FAAH2: variants seen among roughly 807,000 people sequenced by gnomAD.
FAAH2 encodes the protein fatty-acid amide hydrolase 2.
Under a neutral mutation model 36.9 loss-of-function variants are expected in FAAH2, and 60 were observed. The ratio of observed to expected loss-of-function variants is 1.63; its 90% CI spans 1.32 to 2.02. The LOEUF (loss-of-function observed/expected upper bound fraction) is 2.02, where lower values mean the gene tolerates loss of function less well. FAAH2 is among the 30% of genes most tolerant of loss of function. The probability of loss-of-function intolerance (pLI) is 0.00; values close to 1 mark genes in which losing one functional copy is unlikely to be tolerated. For synonymous variants in FAAH2, 214 were observed against 143.8 expected (o/e 1.49, Z -3.49); for missense variants, 689 against 397.5 (o/e 1.73, Z -6.23).
chrX:57,335,165 G>T (rs1171652139), intron 4 of FAAH2, among the ~76,000 whole-genome samples: 1 of 112,299 alleles, frequency 8.9e-6, no homozygotes, highest in African/African-American at 3.2e-5. Context: ...AGATTACAGT[G>T]AAGGGATGGG....
At chrX:57,330,089 C>T (rs2053356107) in intron 3 of FAAH2, among the ~76,000 whole-genome samples, 1 of 111,423 alleles carries the variant, frequency 9.0e-6, no homozygotes, top group Non-Finnish European at 1.9e-5. Flanking sequence ...AATCTGGGCA[C>T]CTTGAAAAAA....
chrX:57,463,782 G>A (rs2057001675), intron 10 of FAAH2, among the ~76,000 whole-genome samples: 1 of 111,745 alleles, frequency 8.9e-6, no homozygotes. Flanking sequence ...TGGAGAAATA[G>A]GAATGCTTTT....
At chrX:57,354,345 C>T (rs890771649) in intron 5 of FAAH2, among the ~76,000 whole-genome samples, 2 of 110,745 alleles carry the variant, frequency 1.8e-5, no homozygotes, top group African/African-American at 3.3e-5. Context: ...ATAAGTATTA[C>T]GTGTTCTCCC....
At chrX:57,211,658 G>A in the FAAH2 span, among the ~76,000 whole-genome samples, 2 of 111,954 alleles carry the variant, frequency 1.8e-5, no homozygotes, top group African/African-American at 3.3e-5. Context: ...TGACACAATT[G>A]CATAGTGCTT....
the FAAH2 span, among the ~76,000 whole-genome samples, chrX:57,236,898 C>A: frequency 1.2e-5 from 1 of 81,482 alleles, no homozygotes; most frequent in Non-Finnish European, 2.1e-5. Flanking sequence ...ATTGACTGTG[C>A]TTTTCATGTA....
Position 57,311,912 on chromosome X carries a change from T to A in FAAH2, c.412+1183T>A, listed in dbSNP as rs925255655. 8.0e-5 allele frequency among the ~76,000 whole-genome samples: 9 copies of A among 111,876 alleles called. 1 individual carries two copies. The highest frequency in any genetic ancestry group is 4.7e-4 in the Admixed American group (5 of 10,589). ...GCTACTTGAGAGTAAGGAGCAGAGA[T>A]CTGTGGACAGTAATGAAGCTGGGGA... On this transcript the variant is annotated intron_variant, in intron 3 of 10. Transcript: ENST00000374900.
intron 8 of FAAH2, among the ~76,000 whole-genome samples, chrX:57,439,133 G>A (rs1270106020): frequency 9.1e-6 from 1 of 109,689 alleles, no homozygotes; most frequent in Non-Finnish European, 1.9e-5. Flanking sequence ...GGGATGGCTG[G>A]GTCAAATGGT....
chrX:57,266,720 C>T, the FAAH2 span, among the ~76,000 whole-genome samples: 3 of 112,327 alleles, frequency 2.7e-5, no homozygotes, highest in Admixed American at 9.4e-5. Context: ...GACCATCCAT[C>T]CTGGGATGAT....
the FAAH2 span, among the ~76,000 whole-genome samples, chrX:57,205,542 C>T: frequency 1.8e-5 from 2 of 112,089 alleles, no homozygotes; most frequent in African/African-American, 3.2e-5. Context: ...AATCAGAAAT[C>T]ACATTAACAG....
At chrX:57,469,777 C>A (rs757071011) in intron 10 of FAAH2, among the ~76,000 whole-genome samples, 1 of 111,863 alleles carries the variant, frequency 8.9e-6, no homozygotes, top group African/African-American at 3.2e-5. Flanking sequence ...AGTCTTCACC[C>A]CAAATCAACA....
intron 5 of FAAH2, among the ~76,000 whole-genome samples, chrX:57,367,580 A>G (rs2054449800): frequency 8.9e-6 from 1 of 112,576 alleles, no homozygotes; most frequent in African/African-American, 3.2e-5. Flanking sequence ...TATTATCTGA[A>G]AAAGAATGCT....
intron 10 of FAAH2, among the ~76,000 whole-genome samples, chrX:57,483,575 A>G (rs1405481502): frequency 4.5e-5 from 5 of 110,210 alleles, no homozygotes; most frequent in African/African-American, 1.7e-4. Flanking sequence ...TGATATCACA[A>G]CATTCAGCTT....
intron 4 of FAAH2, 43 bp downstream of exon 4, chrX:57,331,850 A>G: frequency 7.2e-6 from 8 of 1,109,394 alleles, no homozygotes; most frequent in Non-Finnish European, 8.7e-6. Flanking sequence ...CTATGCTAAC[A>G]ATAATAATTA....
chrX:57,251,735 C>T, the FAAH2 span, among the ~76,000 whole-genome samples: 2 of 111,676 alleles, frequency 1.8e-5, no homozygotes, highest in East Asian at 2.8e-4. Flanking sequence ...GCTTCCAAGA[C>T]GGCCGAATAG....
chrX:57,369,283 G>T (rs376184996), intron 5 of FAAH2, among the ~76,000 whole-genome samples: 16 of 111,260 alleles, frequency 1.4e-4, no homozygotes, highest in African/African-American at 4.6e-4. Context: ...TTCAGTAGAA[G>T]AGATGGAGAA....
At chrX:57,226,595 C>A in the FAAH2 span, among the ~76,000 whole-genome samples, 1 of 111,799 alleles carries the variant, frequency 8.9e-6, no homozygotes, top group South Asian at 3.7e-4. Context: ...TTTCCTTCAT[C>A]TTAACTTTCG....
chrX:57,410,375 C>T (rs1038191983), intron 7 of FAAH2, among the ~76,000 whole-genome samples: 1 of 110,878 alleles, frequency 9.0e-6, no homozygotes, highest in Non-Finnish European at 1.9e-5. Context: ...CCAGTTGGGT[C>T]GATTTGTTCT....
intron 4 of FAAH2, among the ~76,000 whole-genome samples, chrX:57,334,668 C>T (rs952298020): frequency 9.0e-6 from 1 of 111,340 alleles, no homozygotes; most frequent in Non-Finnish European, 1.9e-5. Context: ...TGAATGACAA[C>T]ATTGTTATAT....
intron 5 of FAAH2, among the ~76,000 whole-genome samples, chrX:57,360,530 G>T (rs2054262359): frequency 9.1e-6 from 1 of 110,077 alleles, no homozygotes; most frequent in Non-Finnish European, 1.9e-5. Flanking sequence ...TTTAAAATAG[G>T]TTCTATCTCT....
Sources: allele counts gnomAD v4.1 joint callset (sites outside exome capture counted in the v4.1 genomes callset), GRCh38; gene constraint gnomAD v4.1.1; transcripts MANE v1.5; gene names NCBI Gene and HGNC (gene_info 2026-07-23, HGNC 2026-07-21).